The following ZNF83 variants were observed in gnomAD, a reference collection of about 807,000 sequenced individuals.
The protein encoded by ZNF83 is zinc finger protein 816B.
For synonymous variants in ZNF83, 209 were observed against 213.0 expected (o/e 0.98, Z 0.17); for missense variants, 552 against 629.9 (o/e 0.88, Z 1.32).
At chr19:52,664,184 ATT>A (rs57600625) in intron 1 of ZNF83, among the ~76,000 whole-genome samples, 48,296 of 141,838 alleles carry the variant, frequency 0.34, 8,135 homozygotes, top group East Asian at 0.58. Flanking sequence ...CACCAGGCCT[ATT>A]TTTTTTTTTT....
chr19:52,669,980 GAT>G (rs2147307463), intron 1 of ZNF83, among the ~76,000 whole-genome samples: 1 of 152,346 alleles, frequency 6.6e-6, no homozygotes, highest in East Asian at 1.9e-4. Flanking sequence ...GGGAATGTTA[GAT>G]ATGAGTTCTA....
At chr19:52,619,023 G>T (rs577522218) in intron 2 of ZNF83, 1 of 1,606,772 alleles carries the variant, frequency 6.2e-7, no homozygotes, top group African/African-American at 1.4e-5. Context: ...CACTCCTCCT[G>T]AGAGAATTCT....
chr19:52,667,776 T>A (rs1434643915), intron 1 of ZNF83, among the ~76,000 whole-genome samples: 1 of 152,178 alleles, frequency 6.6e-6, no homozygotes, highest in African/African-American at 2.4e-5. Context: ...TTAAAGAGTC[T>A]ATAAAAATCT....
chr19:52,614,141 TTC>T (rs758539191), exon 3 of ZNF83: 15 of 1,614,204 alleles, frequency 9.3e-6, no homozygotes, highest in Non-Finnish European at 1.2e-5. Context: ...CCAGTATGAA[TTC>T]TTTGATGACT....
At chr19:52,628,019 C>G (rs1408060823) in intron 2 of ZNF83, among the ~76,000 whole-genome samples, 1 of 151,918 alleles carries the variant, frequency 6.6e-6, no homozygotes, top group Non-Finnish European at 1.5e-5. Context: ...CTCCTGCCCA[C>G]CAGAGAACAA....
intron 2 of ZNF83, among the ~76,000 whole-genome samples, chr19:52,657,648 G>A (rs779675338): frequency 3.3e-5 from 5 of 152,182 alleles, no homozygotes; most frequent in Admixed American, 1.3e-4. Flanking sequence ...AGGAATTCGC[G>A]ACCAGCCTGA....
At chr19:52,653,040 C>A (rs1348610021) in intron 3 of ZNF83, 1 of 1,475,554 alleles carries the variant, frequency 6.8e-7, no homozygotes, top group Admixed American at 1.7e-5. Flanking sequence ...GATTAAAAAC[C>A]TTGCCACATT....
chr19:52,671,141 A>G (rs908922760), intron 1 of ZNF83, among the ~76,000 whole-genome samples: 2 of 152,232 alleles, frequency 1.3e-5, no homozygotes, highest in African/African-American at 2.4e-5. Context: ...AATATGGCAC[A>G]GAAACATGTT....
intron 2 of ZNF83, among the ~76,000 whole-genome samples, chr19:52,628,964 G>A (rs777171214): frequency 3.3e-5 from 5 of 151,656 alleles, no homozygotes; most frequent in African/African-American, 1.2e-4. Context: ...CTGGAGGTAA[G>A]AACCCCCAAA....
chr19:52,644,110 C>T (rs574451290), intron 3 of ZNF83, among the ~76,000 whole-genome samples: 18 of 151,834 alleles, frequency 1.2e-4, no homozygotes, highest in Admixed American at 2.6e-4. Context: ...GCTGTGATGT[C>T]CTCACACAGA....
At chr19:52,648,036 A>G (rs1361044759) in intron 3 of ZNF83, among the ~76,000 whole-genome samples, 1 of 146,596 alleles carries the variant, frequency 6.8e-6, no homozygotes, top group Non-Finnish European at 1.5e-5. Context: ...CCTCTCCCTC[A>G]CTCTGATGAG....
intron 2 of ZNF83, among the ~76,000 whole-genome samples, chr19:52,632,397 G>A (rs1308028315): frequency 2.6e-5 from 4 of 152,150 alleles, no homozygotes; most frequent in Non-Finnish European, 5.9e-5. Flanking sequence ...ACAAGGTACA[G>A]CCCATTTGAG....
At chr19:52,647,053 CTA>C (rs990373604) in intron 3 of ZNF83, among the ~76,000 whole-genome samples, 6 of 152,124 alleles carry the variant, frequency 3.9e-5, no homozygotes, top group Non-Finnish European at 8.8e-5. Flanking sequence ...AATAAAACTC[CTA>C]TGTTTCACCC....
chr19:52,627,629 C>G (rs1250271551), intron 2 of ZNF83, among the ~76,000 whole-genome samples: 1 of 152,054 alleles, frequency 6.6e-6, no homozygotes, highest in Non-Finnish European at 1.5e-5. Context: ...CTGGCCTGAG[C>G]AAAAGAGCAA....
At chr19:52,653,422 C>G in intron 3 of ZNF83, 2 of 836,622 alleles carry the variant, frequency 2.4e-6, no homozygotes, top group South Asian at 1.3e-5. Context: ...AGTATGAACT[C>G]TGTTATGGCG....
chr19:52,629,530 A>C (rs879829539), intron 2 of ZNF83, among the ~76,000 whole-genome samples: 7 of 151,690 alleles, frequency 4.6e-5, no homozygotes, highest in South Asian at 4.2e-4. Flanking sequence ...TTATCACCTC[A>C]CCTGCTCACA....
At chr19:52,672,871 T>C (rs1300883812) in intron 1 of ZNF83, among the ~76,000 whole-genome samples, 1 of 152,044 alleles carries the variant, frequency 6.6e-6, no homozygotes, top group African/African-American at 2.4e-5. Flanking sequence ...CCACCGTGCA[T>C]GGCAAAAAAG....
intron 1 of ZNF83, among the ~76,000 whole-genome samples, chr19:52,666,796 C>T (rs1233254342): frequency 1.3e-5 from 2 of 152,158 alleles, no homozygotes; most frequent in Non-Finnish European, 2.9e-5. Context: ...AAAGGTCTGA[C>T]CAGGCCTAGG....
At chr19:52,654,491 A>G in intron 3 of ZNF83, 1 of 528,572 alleles carries the variant, frequency 1.9e-6, no homozygotes, top group Non-Finnish European at 3.1e-6. Context: ...TTACACAAAA[A>G]GCAATACTTA....
Sources: gnomAD v4.1 joint callset for allele counts (sites outside exome capture counted in the v4.1 genomes callset) on GRCh38, gnomAD v4.1.1 for gene constraint, MANE v1.5 for transcripts, NCBI Gene and HGNC (gene_info 2026-07-23, HGNC 2026-07-21) for gene names.